CCDC3: variants seen among roughly 807,000 people sequenced by gnomAD.
The protein encoded by CCDC3 is coiled-coil domain containing 3.
A neutral mutation model predicts 21.4 loss-of-function variants in CCDC3; 24 were observed. The observed-to-expected ratio is 1.12, with a 90% confidence interval of 0.81 to 1.58. The LOEUF is 1.58. Ranked by LOEUF, CCDC3 falls within the 40% of genes most tolerant of loss-of-function variation. CCDC3 has a pLI of 0.00. For synonymous variants in CCDC3, 186 were observed against 166.0 expected (o/e 1.12, Z -0.93); for missense variants, 425 against 360.9 (o/e 1.18, Z -1.44).
In CCDC3 at chr10:12,898,602, G is replaced by A; in HGVS notation, c.627C>T (p.Thr209=). The change falls in exon 3 of 3, where the codon ACC becomes ACT. Residue 209 remains threonine, a synonymous_variant. Coordinates refer to ENST00000378825, the MANE Select transcript of CCDC3 (RefSeq NM_031455.4). ...GGAGCTGCCGGTTGCGCTTCTCCAG[G>A]GTGGCCACTTTCTGCTGCAGTTTCT... ...HVKKLQQKVA[T]LEKRNRQLRE... is the part of the protein sequence containing the mutation. 8 of 1,614,218 alleles carry A rather than the reference G, an allele frequency of 5.0e-6. No homozygotes were observed. Among genetic ancestry groups the A allele is most frequent in the Non-Finnish European group, 5.9e-6 (7 of 1,180,030 alleles).
chr10:13,039,056 C>T (rs1382560133), intron 5 of CCDC3, among the ~76,000 whole-genome samples: 2 of 152,162 alleles, frequency 1.3e-5, no homozygotes, highest in African/African-American at 2.4e-5. Context: ...AATGCCACCA[C>T]GCACATGCTT....
chr10:12,898,752 A>G, intron 2 of CCDC3, 73 bp from the exon 3 acceptor site: 1 of 1,539,228 alleles, frequency 6.5e-7, no homozygotes, highest in Non-Finnish European at 8.8e-7. Context: ...GGAGTCCCAG[A>G]AGCTTCCCCG....
chr10:12,983,742 G>C (rs1835543066), intron 2 of CCDC3, among the ~76,000 whole-genome samples: 1 of 151,538 alleles, frequency 6.6e-6, no homozygotes, highest in South Asian at 2.1e-4. Flanking sequence ...ATGTACAGAT[G>C]AAAAGATGAT....
At chr10:12,907,389 A>G (rs1834189546) in intron 2 of CCDC3, among the ~76,000 whole-genome samples, 1 of 152,210 alleles carries the variant, frequency 6.6e-6, no homozygotes, top group Admixed American at 6.5e-5. Context: ...TCACGCCTGT[A>G]ATCCCAGCAC....
chr10:13,071,717 T>C (rs527809273), intron 4 of CCDC3, among the ~76,000 whole-genome samples: 1 of 152,338 alleles, frequency 6.6e-6, no homozygotes, highest in South Asian at 2.1e-4. Context: ...TCACGTACTC[T>C]GGGTGTTTGC....
At chr10:12,951,804 C>CAAAAAAAAAAAAAAAAAAAAAAAAA (rs71924811) in intron 2 of CCDC3, among the ~76,000 whole-genome samples, 1 of 60,482 alleles carries the variant, frequency 1.7e-5, no homozygotes, top group African/African-American at 7.8e-5. Flanking sequence ...GACTTCATCT[C>CAAAAAAAAAAAAAAAAAAAAAAAAA]AAAAAAAAAA....
At chr10:13,091,071 G>A (rs1046220726) in intron 3 of CCDC3, among the ~76,000 whole-genome samples, 1 of 152,114 alleles carries the variant, frequency 6.6e-6, no homozygotes, top group East Asian at 1.9e-4. Flanking sequence ...GATGAAGTCT[G>A]GAAGACTCAG....
chr10:13,091,590 T>C (rs1443083821), intron 3 of CCDC3, among the ~76,000 whole-genome samples: 2 of 152,320 alleles, frequency 1.3e-5, no homozygotes, highest in Non-Finnish European at 2.9e-5. Context: ...TCTCAGCTAA[T>C]ACTGCTACCC....
chr10:12,901,601 G>C (rs1263756538), intron 2 of CCDC3, among the ~76,000 whole-genome samples: 1 of 152,096 alleles, frequency 6.6e-6, no homozygotes, highest in African/African-American at 2.4e-5. Context: ...CAAAGTCTAC[G>C]TCTCAGGGAA....
At chr10:12,910,873 G>A (rs538747315) in intron 2 of CCDC3, among the ~76,000 whole-genome samples, 88 of 152,304 alleles carry the variant, frequency 5.8e-4, no homozygotes, top group Non-Finnish European at 1.1e-3. Context: ...GGGATTATGG[G>A]TGTGAGCCAC....
At chr10:12,946,514 C>G (rs1834918646) in intron 2 of CCDC3, among the ~76,000 whole-genome samples, 1 of 152,134 alleles carries the variant, frequency 6.6e-6, no homozygotes, top group South Asian at 2.1e-4. Flanking sequence ...AAGACAAATG[C>G]CCAACTGTGG....
chr10:12,941,418 T>A (rs914345213), intron 2 of CCDC3, among the ~76,000 whole-genome samples: 1 of 152,230 alleles, frequency 6.6e-6, no homozygotes, highest in Non-Finnish European at 1.5e-5. Context: ...CTCCATGGCC[T>A]CGCCTTGAAT....
At chr10:13,056,268 T>C (rs964206798) in intron 4 of CCDC3, among the ~76,000 whole-genome samples, 13 of 152,234 alleles carry the variant, frequency 8.5e-5, no homozygotes, top group Non-Finnish European at 1.6e-4. Context: ...CATCAGCTAG[T>C]GGAGGGCAAA....
chr10:12,977,232 G>A lies in CCDC3; in HGVS notation c.549+21106C>T, dbSNP rs1243301801. Reference sequence around the variant, plus strand: ...AGAGGTTGCTGTGAGCTGAAGTTGCGCCACTGCATTCCATCCTGGGCAACA... The same window carrying A: ...AGAGGTTGCTGTGAGCTGAAGTTGCACCACTGCATTCCATCCTGGGCAACA... On this transcript the variant is annotated intron_variant, in intron 2 of 2. Transcript: ENST00000378825. Among the ~76,000 whole-genome samples, 7 of 151,800 alleles carry A rather than the reference G, an allele frequency of 4.6e-5. No individual in the cohort carries two copies. The East Asian group carries it at 7.7e-4, about 17-fold the overall frequency.
chr10:12,932,093 T>G (rs1406286402), intron 2 of CCDC3, among the ~76,000 whole-genome samples: 1 of 152,242 alleles, frequency 6.6e-6, no homozygotes, highest in Non-Finnish European at 1.5e-5. Context: ...CTTTAATATC[T>G]TTCTTCAGAG....
chr10:12,906,208 G>A (rs557356279), intron 2 of CCDC3, among the ~76,000 whole-genome samples: 1 of 152,350 alleles, frequency 6.6e-6, no homozygotes, highest in African/African-American at 2.4e-5. Context: ...TGACAGCAGG[G>A]AAGTTCTTCT....
chr10:12,995,014 G>A (rs932901315), intron 2 of CCDC3, among the ~76,000 whole-genome samples: 1 of 151,714 alleles, frequency 6.6e-6, no homozygotes, highest in Non-Finnish European at 1.5e-5. Flanking sequence ...CCTCGGAAGT[G>A]GGGATTGCAG....
chr10:13,077,641 G>GA (rs370984055), intron 3 of CCDC3, among the ~76,000 whole-genome samples: 112,332 of 150,848 alleles, frequency 0.74, 42,142 homozygotes, highest in Middle Eastern at 0.83. Flanking sequence ...AAACAGCACA[G>GA]TACTGGTACC....
intron 2 of CCDC3, among the ~76,000 whole-genome samples, chr10:12,920,848 G>T (rs1834439672): frequency 1.3e-5 from 2 of 152,148 alleles, no homozygotes; most frequent in South Asian, 4.1e-4. Context: ...TATCTCAAAA[G>T]GTAGCGCTCC....
Sources: allele counts gnomAD v4.1 joint callset (sites outside exome capture counted in the v4.1 genomes callset), GRCh38; gene constraint gnomAD v4.1.1; transcripts MANE v1.5; gene names NCBI Gene and HGNC (gene_info 2026-07-23, HGNC 2026-07-21).